Variants in SNX29 observed in about 807,000 individuals in gnomAD.
SNX29 encodes the protein sorting nexin 29.
A neutral mutation model predicts 102.1 loss-of-function variants in SNX29; 78 were observed. The observed-to-expected ratio is 0.76, with a 90% CI of 0.64 to 0.92. SNX29 has a LOEUF of 0.92. Ranked by LOEUF, SNX29 falls within the 40% of genes least tolerant of loss-of-function variation. The probability of loss-of-function intolerance (pLI) is 0.00; values close to 1 mark genes in which losing one functional copy is unlikely to be tolerated. For missense variants in SNX29, 1,280 were observed against 1,061.7 expected, an observed-to-expected ratio of 1.21 and a Z score of -2.86; for synonymous variants, 580 against 414.5, an observed-to-expected ratio of 1.40 and a Z score of -4.85.
intron 8 of SNX29, among the ~76,000 whole-genome samples, chr16:12,056,461 C>T (rs989491958): frequency 2.0e-5 from 3 of 152,182 alleles, no homozygotes; most frequent in African/African-American, 7.2e-5. Context: ...ATGGGATGGC[C>T]TGCTGAGTAA....
intron 20 of SNX29, chr16:12,546,632 A>G (rs1051290431): frequency 5.3e-5 from 8 of 152,236 alleles, no homozygotes; most frequent in Admixed American, 1.3e-4. Flanking sequence ...TGATCTATTG[A>G]TAATTATAAA....
At chr16:12,306,842 G>A (rs2080353803) in intron 15 of SNX29, among the ~76,000 whole-genome samples, 1 of 152,198 alleles carries the variant, frequency 6.6e-6, no homozygotes, top group South Asian at 2.1e-4. Flanking sequence ...CCTAGTTTGG[G>A]CAGAAGCTTT....
chr16:12,475,041 GATCCT>G (rs1304232913), intron 18 of SNX29, among the ~76,000 whole-genome samples: 1 of 152,204 alleles, frequency 6.6e-6, no homozygotes, highest in African/African-American at 2.4e-5. Context: ...TGGTCCATGT[GATCCT>G]GGCATAGCTG....
chr16:12,154,732 C>T (rs189388958), intron 13 of SNX29, among the ~76,000 whole-genome samples: 1 of 152,276 alleles, frequency 6.6e-6, no homozygotes, highest in East Asian at 1.9e-4. Flanking sequence ...GATCAAGGTG[C>T]CAGCAGATGT....
In SNX29 at chr16:12,563,383, C is replaced by A. The variant is rs181435575; in HGVS notation, c.2319-5123C>A. The stretch of plus-strand genomic sequence containing the variant: ...CTTTTATCGCCACGTTGATATTTTA[C>A]CCGTAACCATGAAAATAGATGGCGA... On this transcript the variant is annotated intron_variant, in intron 20 of 20. Transcript: ENST00000566228. Among the ~76,000 whole-genome samples the A allele has an allele frequency of 2.7e-4, 41 of 152,326 alleles. 1 individual carries two copies. In the East Asian group the frequency reaches 6.0e-3, roughly 22 times the overall value.
chr16:12,132,813 G>T lies in SNX29; in HGVS notation c.1595+3055G>T, dbSNP rs1177301432. Among the ~76,000 whole-genome samples, 6 of 152,344 alleles carry T rather than the reference G, an allele frequency of 3.9e-5. No homozygotes were observed. The East Asian group carries it at 1.2e-3, about 29-fold the overall frequency. ...AGAAGGAACAGATATCTGTAAAACA[G>T]ACCAGTATTTCAAAAGGAAAAACTA... On this transcript the variant is annotated intron_variant, in intron 13 of 20. Transcript: ENST00000566228.
chr16:12,302,197 C>T (rs566889358), intron 15 of SNX29, among the ~76,000 whole-genome samples: 7 of 152,128 alleles, frequency 4.6e-5, no homozygotes, highest in African/African-American at 1.4e-4. Context: ...TATTCACCTC[C>T]GTCAAAGCGG....
chr16:12,170,120 G>T (rs2076111354), intron 13 of SNX29, among the ~76,000 whole-genome samples: 2 of 152,012 alleles, frequency 1.3e-5, no homozygotes, highest in South Asian at 2.1e-4. Flanking sequence ...TCCCTTCCCC[G>T]TTATGAGAAC....
intron 20 of SNX29, among the ~76,000 whole-genome samples, chr16:12,531,651 A>C (rs1238342579): frequency 6.6e-6 from 1 of 152,154 alleles, no homozygotes; most frequent in African/African-American, 2.4e-5. Context: ...GGAGCAGCAG[A>C]AGATGCCGAG....
intron 7 of SNX29, among the ~76,000 whole-genome samples, chr16:12,050,921 A>T (rs372554212): frequency 6.6e-6 from 1 of 151,182 alleles, no homozygotes; most frequent in East Asian, 1.9e-4. Flanking sequence ...GGGTTTCACC[A>T]TGTTTGCCAG....
intron 14 of SNX29, among the ~76,000 whole-genome samples, chr16:12,267,526 A>G (rs1370675263): frequency 6.6e-6 from 1 of 152,048 alleles, no homozygotes; most frequent in African/African-American, 2.4e-5. Flanking sequence ...GCCCCTTAGC[A>G]CCTTTATTGC....
At chr16:12,448,724 G>A (rs561610542) in intron 18 of SNX29, among the ~76,000 whole-genome samples, 1 of 152,294 alleles carries the variant, frequency 6.6e-6, no homozygotes, top group East Asian at 1.9e-4. Flanking sequence ...CTCAGAGACA[G>A]AACTGAGACT....
At chr16:12,560,554 G>T (rs1461349517) in intron 20 of SNX29, among the ~76,000 whole-genome samples, 1 of 152,114 alleles carries the variant, frequency 6.6e-6, no homozygotes, top group Non-Finnish European at 1.5e-5. Context: ...TTGAAACGTT[G>T]CTCAGTGTGA....
At chr16:12,221,580 C>A (rs1408958217) in intron 14 of SNX29, among the ~76,000 whole-genome samples, 1 of 152,142 alleles carries the variant, frequency 6.6e-6, no homozygotes, top group African/African-American at 2.4e-5. Flanking sequence ...CGCCACTGCA[C>A]ACCAGCCTGG....
chr16:12,214,353 A>G (rs1596527270), intron 14 of SNX29, among the ~76,000 whole-genome samples: 1 of 152,148 alleles, frequency 6.6e-6, no homozygotes, highest in African/African-American at 2.4e-5. Context: ...CTGTCTCAGC[A>G]TTGTGTTTAT....
At chr16:12,154,057 T>A (rs2055423270) in intron 13 of SNX29, among the ~76,000 whole-genome samples, 1 of 152,262 alleles carries the variant, frequency 6.6e-6, no homozygotes, top group South Asian at 2.1e-4. Flanking sequence ...AGTCCTCTTT[T>A]ATTTTTATGG....
At chr16:12,027,888 A>G (rs1312589169) in intron 4 of SNX29, among the ~76,000 whole-genome samples, 2 of 152,250 alleles carry the variant, frequency 1.3e-5, no homozygotes, top group Admixed American at 6.5e-5. Context: ...AGTGACAAGC[A>G]TAATGCTAAA....
Position 12,403,463 on chromosome 16 carries a change from G to C in SNX29, c.1971G>C (p.Leu657=). 2 of 1,608,504 alleles carry C rather than the reference G, an allele frequency of 1.2e-6. No homozygotes were observed. Among genetic ancestry groups the C allele is most frequent in the South Asian group, 1.1e-5 (1 of 89,468 alleles). ...TTTTGGTTAGATCAAACCGGGCGCTGATCAACGTCTGGATCCCCTCAGTGT... is the reference window on the plus strand; with the variant it reads ...TTTTGGTTAGATCAAACCGGGCGCTCATCAACGTCTGGATCCCCTCAGTGT... The part of the protein sequence containing the change: ...LSDFEISNRA[L]INVWIPSVFL... Residue 657 remains leucine, a synonymous_variant, in exon 18 of 21, where the codon CTG becomes CTC. Coordinates refer to ENST00000566228, the MANE Select transcript of SNX29 (RefSeq NM_032167.5).
chr16:12,464,729 A>G (rs997124849), intron 18 of SNX29, among the ~76,000 whole-genome samples: 2 of 152,240 alleles, frequency 1.3e-5, no homozygotes, highest in African/African-American at 2.4e-5. Flanking sequence ...AGTTGGGATT[A>G]TAGGCCTGAG....
Sources: allele counts gnomAD v4.1 joint callset (sites outside exome capture counted in the v4.1 genomes callset), GRCh38; gene constraint gnomAD v4.1.1; transcripts MANE v1.5; gene names NCBI Gene and HGNC (gene_info 2026-07-23, HGNC 2026-07-21).